Variants in NUMB observed in about 807,000 individuals in gnomAD.
NUMB encodes the protein NUMB endocytic adaptor protein, also known as protein numb homolog.
In NUMB, 29 loss-of-function variants were observed where a neutral mutation model predicts 59.7. The observed-to-expected ratio is 0.49, with a 90% CI of 0.36 to 0.66. The LOEUF is 0.66. NUMB is among the 30% of genes least tolerant of loss of function. NUMB has a pLI of 0.00. For missense variants in NUMB, 723 were observed against 822.0 expected, an observed-to-expected ratio of 0.88 and a Z score of 1.47; for synonymous variants, 288 against 288.2, an observed-to-expected ratio of 1.00 and a Z score of 0.01.
chr14:73,353,251 A>AT (rs1893563292), intron 4 of NUMB, among the ~76,000 whole-genome samples: 1 of 149,602 alleles, frequency 6.7e-6, no homozygotes, highest in South Asian at 2.1e-4. Flanking sequence ...TGCCCAGCTA[A>AT]TTTTTTTGTG....
chr14:73,342,731 A>G (rs1017088007), intron 4 of NUMB, among the ~76,000 whole-genome samples: 2 of 152,216 alleles, frequency 1.3e-5, no homozygotes, highest in African/African-American at 4.8e-5. Flanking sequence ...ATCACGTACC[A>G]GGCAGTGCTG....
At chr14:73,435,271 C>CTT (rs11295491) in intron 1 of NUMB, among the ~76,000 whole-genome samples, 15,179 of 112,794 alleles carry the variant, frequency 0.13, 1,534 homozygotes, top group Non-Finnish European at 0.2. Context: ...TTGGCAATTA[C>CTT]TTTTTTTTTT....
chr14:73,346,375 G>T (rs960895249), intron 4 of NUMB, among the ~76,000 whole-genome samples: 1 of 151,750 alleles, frequency 6.6e-6, no homozygotes, highest in Admixed American at 6.6e-5. Flanking sequence ...AACTACTCGG[G>T]AGGCTGAGGC....
chr14:73,297,642 TA>T (rs1306696922), intron 6 of NUMB: 14 of 186,854 alleles, frequency 7.5e-5, no homozygotes, highest in African/African-American at 2.9e-4. Flanking sequence ...CAGAGTCAGA[TA>T]ATTATTAAAT....
intron 1 of NUMB, among the ~76,000 whole-genome samples, chr14:73,453,610 CTT>C (rs542857391): frequency 7.3e-6 from 1 of 137,274 alleles, no homozygotes. Context: ...ACAAATTTTC[CTT>C]TTTTTTTTTT....
At chr14:73,367,142 C>T (rs1894380015) in intron 2 of NUMB, among the ~76,000 whole-genome samples, 161 bp from the exon 3 acceptor site, 1 of 151,874 alleles carries the variant, frequency 6.6e-6, no homozygotes, top group South Asian at 2.1e-4. Flanking sequence ...TGAAGATGAT[C>T]ACTCCAAGTT....
chr14:73,350,932 A>G (rs1893216334), intron 4 of NUMB, among the ~76,000 whole-genome samples: 1 of 152,076 alleles, frequency 6.6e-6, no homozygotes, highest in African/African-American at 2.4e-5. Context: ...AATTACTGTG[A>G]TAATATTTTG....
chr14:73,290,076 T>C (rs142652868), intron 8 of NUMB, among the ~76,000 whole-genome samples: 2 of 152,202 alleles, frequency 1.3e-5, no homozygotes, highest in African/African-American at 4.8e-5. Flanking sequence ...AGTAGAACTA[T>C]TGGCCTAGGA....
intron 6 of NUMB, chr14:73,299,173 G>C (rs555733409): frequency 6.6e-6 from 1 of 152,256 alleles, no homozygotes; most frequent in Admixed American, 6.5e-5. Flanking sequence ...AAATATTTCA[G>C]TATGGCTTGG....
At chr14:73,284,418 ATAAT>A (rs772555597) in intron 9 of NUMB, 44 bp from the exon 10 acceptor site, 24 of 1,537,558 alleles carry the variant, frequency 1.6e-5, no homozygotes, top group Non-Finnish European at 1.9e-5. Flanking sequence ...ATGTCTTCAA[ATAAT>A]TTGCGTTTAG....
intron 2 of NUMB, among the ~76,000 whole-genome samples, chr14:73,380,076 G>A (rs558181191): frequency 1.3e-5 from 2 of 152,166 alleles, no homozygotes; most frequent in Non-Finnish European, 2.9e-5. Flanking sequence ...AACAGTAGAG[G>A]TATGTCAGGG....
chr14:73,418,426 A>G (rs946330837), intron 1 of NUMB, among the ~76,000 whole-genome samples: 3 of 152,198 alleles, frequency 2.0e-5, no homozygotes, highest in African/African-American at 7.2e-5. Context: ...ATGGTTGCAC[A>G]ATAATGTCAA....
chr14:73,453,411 C>T (rs186056900), intron 1 of NUMB, among the ~76,000 whole-genome samples: 125 of 152,190 alleles, frequency 8.2e-4, no homozygotes, highest in Middle Eastern at 3.4e-3. Flanking sequence ...GGATTACAGG[C>T]ATGAGCCACC....
intron 2 of NUMB, among the ~76,000 whole-genome samples, chr14:73,407,585 G>T (rs1416671807): frequency 6.6e-6 from 1 of 152,156 alleles, no homozygotes; most frequent in East Asian, 1.9e-4. Flanking sequence ...CACACTAGGT[G>T]GTTCAGTTAT....
chr14:73,429,151 C>G (rs1453470505), intron 1 of NUMB, among the ~76,000 whole-genome samples: 2 of 152,050 alleles, frequency 1.3e-5, no homozygotes, highest in Non-Finnish European at 2.9e-5. Flanking sequence ...GCGGGCGGAT[C>G]GCGAGGTCAG....
At position 73,276,510 on chromosome 14, in the gene NUMB, T is replaced by C. The variant is rs1007459035; in HGVS notation, c.*68A>G. Reference sequence around the variant, plus strand: ...TACTAATCAGGAGACAAAGTCTGTTTTGCTCCTTTGACCGCTACCCCCTGC... The same window carrying C: ...TACTAATCAGGAGACAAAGTCTGTTCTGCTCCTTTGACCGCTACCCCCTGC... On this transcript the variant is annotated 3_prime_UTR_variant, in exon 13 of 13. Coordinates refer to ENST00000555238, the MANE Select transcript of NUMB (RefSeq NM_001005743.2). 1.6e-6 allele frequency: 2 copies of C among 1,251,288 alleles called. No homozygotes were observed. Among genetic ancestry groups the C allele is most frequent in the African/African-American group, 3.0e-5 (2 of 67,156 alleles). 77.5% of individuals were successfully genotyped at this position (1,251,288 alleles called of 1,614,324 possible).
chr14:73,388,526 G>C (rs1038887326), intron 2 of NUMB, among the ~76,000 whole-genome samples: 4 of 151,626 alleles, frequency 2.6e-5, no homozygotes, highest in Middle Eastern at 3.2e-3. Flanking sequence ...TTTCAGCTAG[G>C]CTTATGGCTG....
chr14:73,364,761 T>C (rs2140040871), intron 3 of NUMB, among the ~76,000 whole-genome samples: 1 of 152,132 alleles, frequency 6.6e-6, no homozygotes, highest in South Asian at 2.1e-4. Context: ...CCTGAATAGC[T>C]GGGACTACAG....
chr14:73,282,532 A>T lies in NUMB; in HGVS notation c.950-27T>A, dbSNP rs377660907. ...TGCAAGGCAAACAGAAAATGGCTCC[A>T]GACAGAAAAATGGAATAATCCTGAA... On this transcript the variant is annotated intron_variant, in intron 10 of 12. Transcript: ENST00000555238. 215 of 1,607,106 alleles carry T rather than the reference A, an allele frequency of 1.3e-4. No individual in the cohort carries two copies. The highest frequency in any genetic ancestry group is 1.7e-4 in the Admixed American group (10 of 59,250).
Sources: gnomAD v4.1 joint callset for allele counts (sites outside exome capture counted in the v4.1 genomes callset) on GRCh38, gnomAD v4.1.1 for gene constraint, MANE v1.5 for transcripts, NCBI Gene and HGNC (gene_info 2026-07-23, HGNC 2026-07-21) for gene names.